Variants in PKIA observed in about 807,000 individuals in gnomAD.
PKIA encodes the protein PKI-alpha.
PKIA carries 4 observed loss-of-function variants against 7.6 expected under a neutral mutation model. That is an observed-to-expected ratio of 0.52 (90% CI 0.26 to 1.20). PKIA has a LOEUF of 1.20. Ranked by LOEUF, PKIA falls within the 50% of genes most tolerant of loss-of-function variation. The probability of loss-of-function intolerance (pLI) is 0.13; values close to 1 mark genes in which losing one functional copy is unlikely to be tolerated. For missense variants in PKIA, 73 were observed against 86.2 expected, an observed-to-expected ratio of 0.85 and a Z score of 0.61; for synonymous variants, 21 against 30.7, an observed-to-expected ratio of 0.68 and a Z score of 1.04.
At position 78,604,602 on chromosome 8, in the gene PKIA, A is replaced by G. The variant is rs1418248036; in HGVS notation, c.*2781A>G. On this transcript the variant is annotated 3_prime_UTR_variant, in exon 4 of 4. Transcript: ENST00000396418. ...AGTATATCTTTTTTAAAAAAAAGAAATTCAATTATGTCTTATTTGGGGGGT... is the reference window on the plus strand; with the variant it reads ...AGTATATCTTTTTTAAAAAAAAGAAGTTCAATTATGTCTTATTTGGGGGGT... 1 of 151,984 alleles carries G rather than the reference A, an allele frequency of 6.6e-6. No individual in the cohort carries two copies. 9.4% of individuals were successfully genotyped at this position (151,984 alleles called of 1,614,324 possible).
intron 1 of PKIA, among the ~76,000 whole-genome samples, chr8:78,522,304 G>A (rs1472493701): frequency 6.6e-6 from 1 of 151,904 alleles, no homozygotes; most frequent in South Asian, 2.1e-4. Flanking sequence ...TTCAAGTTAT[G>A]TGGTAATAAA....
intron 1 of PKIA, among the ~76,000 whole-genome samples, chr8:78,555,571 A>T (rs184228908): frequency 6.6e-6 from 1 of 152,190 alleles, no homozygotes; most frequent in Admixed American, 6.6e-5. Flanking sequence ...ATCACTTCTT[A>T]GTTCATAAAT....
chr8:78,541,802 T>A (rs1329921406), intron 1 of PKIA, among the ~76,000 whole-genome samples: 1 of 148,676 alleles, frequency 6.7e-6, no homozygotes, highest in African/African-American at 2.5e-5. Context: ...GAAATTTGGA[T>A]TTCTCTTTTT....
At chr8:78,553,737 ATTT>A (rs10706008) in intron 1 of PKIA, among the ~76,000 whole-genome samples, 5,389 of 140,976 alleles carry the variant, frequency 0.038, 142 homozygotes, top group South Asian at 0.074. Context: ...AAACAACTGG[ATTT>A]TTTTTTTTTT....
rs1301282754 is a variant in PKIA at position 78,602,060 on chromosome 8, G to C, written c.*239G>C. On this transcript the variant is annotated 3_prime_UTR_variant, in exon 4 of 4. Transcript: ENST00000396418. Reference sequence around the variant, plus strand: ...TGGCTTGTGTTTGGGCGTCATTTTTGTATGGATCCTTTCACTTGATCATAT... The same window carrying C: ...TGGCTTGTGTTTGGGCGTCATTTTTCTATGGATCCTTTCACTTGATCATAT... 1.9e-6 allele frequency: 1 copy of C among 520,790 alleles called. No homozygotes were observed. Among genetic ancestry groups the C allele is most frequent in the East Asian group, 3.3e-5 (1 of 30,502 alleles). 32.3% of individuals were successfully genotyped at this position (520,790 alleles called of 1,614,324 possible). A position where few individuals can be genotyped will look rare whatever the true frequency, so the allele number is the denominator to read the frequency against.
rs77336766 is a variant in PKIA at position 78,546,696 on chromosome 8, G to A, written c.-156-26115G>A. Reference sequence around the variant, plus strand: ...CCTGATTGTTTTTCATTCAGCTCTCGAACCAGTTAAATAGATGCCATAAAT... The same window carrying A: ...CCTGATTGTTTTTCATTCAGCTCTCAAACCAGTTAAATAGATGCCATAAAT... On this transcript the variant is annotated intron_variant, in intron 1 of 3. Coordinates refer to ENST00000396418, the MANE Select transcript of PKIA (RefSeq NM_006823.4). Among the ~76,000 whole-genome samples the A allele has an allele frequency of 4.7e-4, 72 of 152,214 alleles. No individual in the cohort carries two copies. In the East Asian group the frequency reaches 0.013, roughly 28 times the overall value.
At chr8:78,599,241 G>A (rs1808299705) in intron 3 of PKIA, among the ~76,000 whole-genome samples, 1 of 152,022 alleles carries the variant, frequency 6.6e-6, no homozygotes, top group Admixed American at 6.6e-5. Flanking sequence ...CATAGCTTTT[G>A]CAGATATCAA....
chr8:78,532,734 C>T (rs1806420225), intron 1 of PKIA, among the ~76,000 whole-genome samples: 1 of 151,730 alleles, frequency 6.6e-6, no homozygotes, highest in Non-Finnish European at 1.5e-5. Context: ...TGGTGGTATC[C>T]CTTCTCTACT....
intron 1 of PKIA, among the ~76,000 whole-genome samples, chr8:78,572,202 G>GT (rs1279032961): frequency 1.3e-5 from 2 of 151,826 alleles, no homozygotes; most frequent in Non-Finnish European, 2.9e-5. Flanking sequence ...CTAAGTAGTA[G>GT]TCAACAGATT....
intron 1 of PKIA, among the ~76,000 whole-genome samples, chr8:78,538,306 T>G (rs919947447): frequency 3.9e-5 from 6 of 152,096 alleles, no homozygotes; most frequent in Admixed American, 1.3e-4. Context: ...CTTATTTCTC[T>G]CTCATGGTAC....
intron 1 of PKIA, among the ~76,000 whole-genome samples, chr8:78,528,245 G>A (rs1806297093): frequency 6.6e-6 from 1 of 152,010 alleles, no homozygotes; most frequent in Admixed American, 6.6e-5. Context: ...CCTAACCCAA[G>A]TAGTATACTA....
chr8:78,601,697 T>C (rs746096568), intron 3 of PKIA, 45 bp from the exon 4 acceptor site: 2 of 1,403,768 alleles, frequency 1.4e-6, no homozygotes, highest in East Asian at 4.6e-5. Context: ...ATAAAAGCAA[T>C]CATTTTTATT....
intron 1 of PKIA, among the ~76,000 whole-genome samples, chr8:78,537,080 T>C (rs1021038164): frequency 6.6e-6 from 1 of 151,912 alleles, no homozygotes; most frequent in Non-Finnish European, 1.5e-5. Context: ...GGACCAGTTA[T>C]GAAGGGGCTG....
chr8:78,529,651 ATTAT>A (rs1806346626), intron 1 of PKIA, among the ~76,000 whole-genome samples: 1 of 152,080 alleles, frequency 6.6e-6, no homozygotes, highest in South Asian at 2.1e-4. Context: ...ATATATTTAG[ATTAT>A]TTAAGCTAAA....
At chr8:78,578,806 A>T (rs1487930606) in intron 2 of PKIA, among the ~76,000 whole-genome samples, 1 of 151,928 alleles carries the variant, frequency 6.6e-6, no homozygotes, top group Non-Finnish European at 1.5e-5. Flanking sequence ...GTCTGTGCAC[A>T]TGAGTTTTAT....
intron 2 of PKIA, among the ~76,000 whole-genome samples, chr8:78,574,503 A>G (rs1346599044): frequency 6.6e-6 from 1 of 151,988 alleles, no homozygotes; most frequent in Non-Finnish European, 1.5e-5. Flanking sequence ...CCAAGAGAGA[A>G]CAAAATCCAT....
At chr8:78,595,979 C>G (rs1003178043) in intron 2 of PKIA, among the ~76,000 whole-genome samples, 1 of 152,120 alleles carries the variant, frequency 6.6e-6, no homozygotes, top group African/African-American at 2.4e-5. Flanking sequence ...AGTTTATATT[C>G]CCATCAGTAG....
chr8:78,529,546 C>T (rs1806341993), intron 1 of PKIA, among the ~76,000 whole-genome samples: 1 of 151,884 alleles, frequency 6.6e-6, no homozygotes. Flanking sequence ...CTAATTTGTG[C>T]ATGCTTAAAT....
chr8:78,562,660 G>A (rs1329186487), intron 1 of PKIA, among the ~76,000 whole-genome samples: 3 of 152,034 alleles, frequency 2.0e-5, no homozygotes. Context: ...CATTTCAGAT[G>A]CCAACTCTAC....
Sources: gnomAD v4.1 joint callset for allele counts (sites outside exome capture counted in the v4.1 genomes callset) on GRCh38, gnomAD v4.1.1 for gene constraint, MANE v1.5 for transcripts, NCBI Gene and HGNC (gene_info 2026-07-23, HGNC 2026-07-21) for gene names.